ITFG1: variants seen among roughly 807,000 people sequenced by gnomAD.
ITFG1 encodes the protein integrin alpha FG-GAP repeat containing 1.
ITFG1 carries 34 observed loss-of-function variants against 81.8 expected under a neutral mutation model. The observed-to-expected ratio is 0.42, with a 90% confidence interval of 0.32 to 0.55. The LOEUF is 0.55. Among genes scored for constraint, ITFG1 ranks in the 20% least tolerant of loss-of-function variants. ITFG1 has a pLI of 0.17. For synonymous variants in ITFG1, 285 were observed against 270.6 expected (o/e 1.05, Z -0.52); for missense variants, 672 against 755.4 (o/e 0.89, Z 1.29).
At chr16:47,222,257 A>C (rs1017101559) in intron 13 of ITFG1, among the ~76,000 whole-genome samples, 35 of 150,760 alleles carry the variant, frequency 2.3e-4, no homozygotes, top group Non-Finnish European at 4.1e-4. Context: ...CACTGCTTTG[A>C]ATGTGTCCCA....
At chr16:47,435,873 C>A (rs1049197895) in intron 5 of ITFG1, among the ~76,000 whole-genome samples, 4 of 152,048 alleles carry the variant, frequency 2.6e-5, no homozygotes, top group African/African-American at 9.7e-5. Flanking sequence ...GCACAAATAG[C>A]TGCAAAATAG....
At chr16:47,393,010 T>G (rs1968551805) in intron 6 of ITFG1, among the ~76,000 whole-genome samples, 1 of 152,224 alleles carries the variant, frequency 6.6e-6, no homozygotes, top group African/African-American at 2.4e-5. Flanking sequence ...TGAGAAGCTA[T>G]GTCCAAAGAT....
In ITFG1 at chr16:47,158,957, A is replaced by G. The variant is rs772720692; in HGVS notation, c.1695T>C (p.Asn565=). The change falls in exon 17 of 18, where the codon AAT becomes AAC. Residue 565 remains asparagine (N), a synonymous_variant. Coordinates refer to ENST00000320640, the MANE Select transcript of ITFG1 (RefSeq NM_030790.5). ...WSAKLYLTPS[N]IVLLTAIALI... Reference sequence around the variant, plus strand: ...GAGCTATAGCAGTAAGCAGAACAATATTACTTGGTGTAAGATACAGTTTGG... The same window carrying G: ...GAGCTATAGCAGTAAGCAGAACAATGTTACTTGGTGTAAGATACAGTTTGG... 4 of 1,592,308 alleles carry G rather than the reference A, an allele frequency of 2.5e-6. No homozygotes were observed. In the African/African-American group the frequency reaches 5.4e-5, roughly 21 times the overall value.
chr16:47,365,331 C>T (rs1201926521), intron 8 of ITFG1, among the ~76,000 whole-genome samples: 1 of 152,162 alleles, frequency 6.6e-6, no homozygotes, highest in African/African-American at 2.4e-5. Flanking sequence ...TTACGGAAAA[C>T]AGAAATTCAT....
chr16:47,352,290 A>C (rs1256042840), intron 8 of ITFG1, among the ~76,000 whole-genome samples: 3 of 152,198 alleles, frequency 2.0e-5, no homozygotes, highest in Non-Finnish European at 2.9e-5. Context: ...AATGGGAGAA[A>C]AGTTTTGCAA....
At chr16:47,181,257 G>A (rs1321969696) in intron 14 of ITFG1, among the ~76,000 whole-genome samples, 11 of 148,436 alleles carry the variant, frequency 7.4e-5, no homozygotes, top group Non-Finnish European at 1.5e-4. Flanking sequence ...GAGCCCCTCC[G>A]CCCGGCAGCC....
intron 5 of ITFG1, among the ~76,000 whole-genome samples, chr16:47,431,517 G>A (rs532961232): frequency 3.9e-5 from 6 of 152,238 alleles, no homozygotes; most frequent in East Asian, 1.9e-4. Flanking sequence ...CCATGACACC[G>A]GTCCCTGTTG....
chr16:47,367,875 C>G (rs768004362), intron 7 of ITFG1, among the ~76,000 whole-genome samples: 2 of 152,178 alleles, frequency 1.3e-5, no homozygotes, highest in Non-Finnish European at 2.9e-5. Context: ...GAACCTGAAA[C>G]TGCACTAGAG....
At chr16:47,420,888 C>G (rs1346388064) in intron 6 of ITFG1, among the ~76,000 whole-genome samples, 1 of 152,188 alleles carries the variant, frequency 6.6e-6, no homozygotes, top group African/African-American at 2.4e-5. Flanking sequence ...AAGACAGAGT[C>G]TATCTCTGCC....
intron 2 of ITFG1, among the ~76,000 whole-genome samples, chr16:47,456,153 CTG>C (rs1339700361): frequency 3.9e-5 from 6 of 152,010 alleles, no homozygotes; most frequent in Non-Finnish European, 5.9e-5. Context: ...TGAGCTATGA[CTG>C]TGTGACTGCA....
intron 6 of ITFG1, among the ~76,000 whole-genome samples, chr16:47,424,060 T>G (rs1968986964): frequency 1.3e-5 from 2 of 152,262 alleles, no homozygotes; most frequent in South Asian, 4.1e-4. Flanking sequence ...CACTTTCAGG[T>G]ACACCAATCA....
intron 5 of ITFG1, among the ~76,000 whole-genome samples, chr16:47,434,433 A>C (rs1350196599): frequency 6.6e-6 from 1 of 152,164 alleles, no homozygotes; most frequent in Non-Finnish European, 1.5e-5. Flanking sequence ...CCTGTGGCCA[A>C]AAAACACGAA....
chr16:47,350,076 G>T (rs915869620), intron 8 of ITFG1, among the ~76,000 whole-genome samples: 5 of 152,148 alleles, frequency 3.3e-5, no homozygotes, highest in African/African-American at 1.2e-4. Context: ...TGTGTAGAGG[G>T]AAATTTATAG....
chr16:47,238,776 T>A (rs949379491), intron 12 of ITFG1, among the ~76,000 whole-genome samples: 1 of 152,198 alleles, frequency 6.6e-6, no homozygotes, highest in African/African-American at 2.4e-5. Flanking sequence ...TGTCTGTAGA[T>A]TAAAATATAT....
chr16:47,172,224 C>T (rs1352478555), intron 14 of ITFG1, among the ~76,000 whole-genome samples: 1 of 152,172 alleles, frequency 6.6e-6, no homozygotes. Flanking sequence ...GTGGCTCACA[C>T]CTGTAATCCC....
intron 6 of ITFG1, among the ~76,000 whole-genome samples, chr16:47,389,660 G>A (rs774557639): frequency 1.3e-5 from 2 of 152,124 alleles, no homozygotes; most frequent in African/African-American, 2.4e-5. Flanking sequence ...TACAATAAGG[G>A]GGAAAGAGAA....
At chr16:47,323,371 G>A (rs1003248163) in intron 8 of ITFG1, among the ~76,000 whole-genome samples, 16 of 152,106 alleles carry the variant, frequency 1.1e-4, no homozygotes, top group Non-Finnish European at 1.5e-4. Context: ...AGAGAGGCCT[G>A]AGCTACCACA....
intron 14 of ITFG1, among the ~76,000 whole-genome samples, chr16:47,182,245 A>C (rs954039894): frequency 6.6e-6 from 1 of 152,126 alleles, no homozygotes; most frequent in African/African-American, 2.4e-5. Context: ...TAAAATGGGC[A>C]AATATGTATT....
chr16:47,171,707 A>G (rs1276952627), intron 14 of ITFG1, among the ~76,000 whole-genome samples: 3 of 151,596 alleles, frequency 2.0e-5, no homozygotes, highest in Non-Finnish European at 4.4e-5. Flanking sequence ...GCTTCATCCA[A>G]TATGTTTGGT....
Sources: allele counts gnomAD v4.1 joint callset (sites outside exome capture counted in the v4.1 genomes callset), GRCh38; gene constraint gnomAD v4.1.1; transcripts MANE v1.5; gene names NCBI Gene and HGNC (gene_info 2026-07-23, HGNC 2026-07-21).